Variants in TMPRSS9 observed in about 807,000 individuals in gnomAD.
TMPRSS9 encodes the protein transmembrane protease serine 9.
TMPRSS9 carries 113 observed loss-of-function variants against 111.4 expected under a neutral mutation model. The observed-to-expected ratio is 1.01, with a 90% CI of 0.87 to 1.19. The LOEUF (loss-of-function observed/expected upper bound fraction) is 1.19. Among genes scored for constraint, TMPRSS9 ranks in the 50% most tolerant of loss-of-function variants. TMPRSS9 has a pLI of 0.00. For synonymous variants in TMPRSS9, 805 were observed against 659.1 expected, an observed-to-expected ratio of 1.22 and a Z score of -3.39; for missense variants, 1,803 against 1,513.1, an observed-to-expected ratio of 1.19 and a Z score of -3.18.
chr19:2,386,957 G>A (rs575980657), upstream of TMPRSS9, among the ~76,000 whole-genome samples: 40 of 152,070 alleles, frequency 2.6e-4, no homozygotes, highest in African/African-American at 9.2e-4. Context: ...ACTGCACAGT[G>A]CACCTGTGGT....
At chr19:2,390,640 G>C (rs1481706768) in intron 1 of TMPRSS9, among the ~76,000 whole-genome samples, 1 of 151,440 alleles carries the variant, frequency 6.6e-6, no homozygotes, top group Non-Finnish European at 1.5e-5. Flanking sequence ...AGGACCATCG[G>C]AGCCCAGGAG....
chr19:2,392,027 C>T (rs1194818849), intron 1 of TMPRSS9, among the ~76,000 whole-genome samples: 1 of 151,918 alleles, frequency 6.6e-6, no homozygotes, highest in South Asian at 2.1e-4. Context: ...CAGACATGAG[C>T]CACCACGCCC....
At chr19:2,418,311 C>T (rs768048755) in intron 13 of TMPRSS9, among the ~76,000 whole-genome samples, 173 bp downstream of exon 14, 898 of 31,094 alleles carry the variant, frequency 0.029, 71 homozygotes, top group African/African-American at 0.092. Flanking sequence ...CTCCCTTTCC[C>T]TCCCTCCCTC....
intron 8 of TMPRSS9, 27 bp from the exon 10 acceptor site, chr19:2,410,231 C>G (rs1470231306): frequency 6.2e-7 from 1 of 1,612,322 alleles, no homozygotes. Context: ...GCACTCTCAC[C>G]CTGCTTTTCT....
intron 7 of TMPRSS9, among the ~76,000 whole-genome samples, chr19:2,406,039 C>A (rs1384287556): frequency 7.8e-6 from 1 of 127,864 alleles, no homozygotes; most frequent in East Asian, 2.3e-4. Context: ...GAGATGGAGT[C>A]TCGCTCTGTC....
chr19:2,390,520 G>A (rs1241527007), intron 1 of TMPRSS9, among the ~76,000 whole-genome samples: 1 of 149,308 alleles, frequency 6.7e-6, no homozygotes, highest in Non-Finnish European at 1.5e-5. Flanking sequence ...TGGGATTACA[G>A]GCATGAGCCA....
chr19:2,402,584 C>T (rs1024476372), intron 5 of TMPRSS9, among the ~76,000 whole-genome samples: 6 of 151,668 alleles, frequency 4.0e-5, no homozygotes, highest in African/African-American at 1.2e-4. Flanking sequence ...ACTAAAAATA[C>T]AAAATTAGCC....
chr19:2,370,709 C>T (rs972831717), intron 1 of TMPRSS9, among the ~76,000 whole-genome samples: 13 of 142,784 alleles, frequency 9.1e-5, no homozygotes, highest in Non-Finnish European at 1.5e-5. Flanking sequence ...TCAGCTTTTG[C>T]TTTCTTTTGC....
At chr19:2,390,243 GT>G (rs1242619162) in intron 1 of TMPRSS9, among the ~76,000 whole-genome samples, 3,923 of 128,952 alleles carry the variant, frequency 0.03, 199 homozygotes, top group African/African-American at 0.11. Context: ...TTTTTTTTTT[GT>G]TTTTTTTTTT....
At chr19:2,413,628 T>C in intron 9 of TMPRSS9, 72 bp from the exon 11 acceptor site, 4 of 1,509,878 alleles carry the variant, frequency 2.6e-6, no homozygotes, top group African/African-American at 2.7e-5. Flanking sequence ...GAGCTCCTTC[T>C]TGGGCCTCGT....
intron 1 of TMPRSS9, among the ~76,000 whole-genome samples, chr19:2,378,674 T>A (rs572243624): frequency 1.3e-5 from 2 of 152,280 alleles, no homozygotes; most frequent in South Asian, 4.2e-4. Context: ...GCCAAGATTG[T>A]GCCACTGCAC....
chr19:2,405,581 T>G, intron 7 of TMPRSS9, 36 bp downstream of exon 8: 2 of 1,474,094 alleles, frequency 1.4e-6, no homozygotes. Flanking sequence ...ACCCGAACCC[T>G]CTGTATTTCT....
chr19:2,392,087 G>A (rs904619375), intron 1 of TMPRSS9, among the ~76,000 whole-genome samples: 1 of 152,200 alleles, frequency 6.6e-6, no homozygotes, highest in African/African-American at 2.4e-5. Context: ...GGTGGCTCCT[G>A]CCTGTAATCC....
At chr19:2,424,790 C>T (rs1449085686) in intron 15 of TMPRSS9, among the ~76,000 whole-genome samples, 1 of 152,052 alleles carries the variant, frequency 6.6e-6, no homozygotes, top group African/African-American at 2.4e-5. Context: ...GACCCCTTTT[C>T]AGAGCGCTCA....
At position 2,401,628 on chromosome 19, in the gene TMPRSS9, G is replaced by C. The variant is rs569610438; in HGVS notation, c.515-347G>C. Among the ~76,000 whole-genome samples, 5 of 151,824 alleles carry C rather than the reference G, an allele frequency of 3.3e-5. No individual in the cohort carries two copies. The South Asian group carries it at 8.3e-4, about 25-fold the overall frequency. ...TTCTTTCTTTTTTCTTTTTTTTTGAGATGGAGTCTCGCTCTGTCGCCCAGG... is the reference window on the plus strand; with the variant it reads ...TTCTTTCTTTTTTCTTTTTTTTTGACATGGAGTCTCGCTCTGTCGCCCAGG... On this transcript the variant is annotated intron_variant, in intron 4 of 17. Transcript: ENST00000648592.
upstream of TMPRSS9, among the ~76,000 whole-genome samples, chr19:2,388,171 C>T (rs991299610): frequency 4.6e-5 from 7 of 152,104 alleles, no homozygotes; most frequent in East Asian, 1.9e-4. Flanking sequence ...GTGGGAGGAT[C>T]GCGTGAGGTC....
intron 1 of TMPRSS9, among the ~76,000 whole-genome samples, chr19:2,378,480 G>A (rs1970356149): frequency 6.6e-6 from 1 of 152,038 alleles, no homozygotes. Flanking sequence ...AGCACTTTGG[G>A]AGGCCAAGGT....
chr19:2,397,573 T>G (rs928514834), intron 2 of TMPRSS9, among the ~76,000 whole-genome samples: 1 of 152,102 alleles, frequency 6.6e-6, no homozygotes, highest in Non-Finnish European at 1.5e-5. Flanking sequence ...GTTTTCCATT[T>G]TATTCGAAGA....
intron 4 of TMPRSS9, among the ~76,000 whole-genome samples, chr19:2,400,632 G>A (rs757774299): frequency 2.0e-5 from 3 of 151,908 alleles, no homozygotes; most frequent in Non-Finnish European, 2.9e-5. Flanking sequence ...AAAATTGTAC[G>A]GTGCAGCAGG....
Sources: allele counts gnomAD v4.1 joint callset (sites outside exome capture counted in the v4.1 genomes callset), GRCh38; gene constraint gnomAD v4.1.1; transcripts MANE v1.5; gene names NCBI Gene and HGNC (gene_info 2026-07-23, HGNC 2026-07-21).